EPB41L4B: variants seen among roughly 807,000 people sequenced by gnomAD.
EPB41L4B encodes band 4.1-like protein 4B.
In EPB41L4B, 30 loss-of-function variants were observed where a neutral mutation model predicts 112.5. The ratio of observed to expected loss-of-function variants is 0.27; its 90% confidence interval spans 0.20 to 0.36. EPB41L4B has a LOEUF of 0.36. Ranked by LOEUF, EPB41L4B falls within the 10% of genes least tolerant of loss-of-function variation. The pLI, the probability that EPB41L4B is intolerant of heterozygous loss-of-function variation, is 1.00. For missense variants in EPB41L4B, 1,024 were observed against 1,133.3 expected, an observed-to-expected ratio of 0.90 and a Z score of 1.38; for synonymous variants, 408 against 439.7, an observed-to-expected ratio of 0.93 and a Z score of 0.90.
chr9:109,235,681 A>G (rs1588157855), intron 15 of EPB41L4B, among the ~76,000 whole-genome samples: 1 of 151,710 alleles, frequency 6.6e-6, no homozygotes, highest in African/African-American at 2.4e-5. Context: ...TACAGGTATG[A>G]TTCACCACGC....
chr9:109,206,373 G>T (rs1312087551), intron 18 of EPB41L4B, among the ~76,000 whole-genome samples: 1 of 152,178 alleles, frequency 6.6e-6, no homozygotes, highest in African/African-American at 2.4e-5. Context: ...AGTAGAGACA[G>T]GGTTTCGCCA....
intron 15 of EPB41L4B, among the ~76,000 whole-genome samples, chr9:109,237,076 ACT>A (rs1488736724): frequency 1.3e-5 from 2 of 152,012 alleles, no homozygotes; most frequent in East Asian, 1.9e-4. Flanking sequence ...CAACAAAAAG[ACT>A]CTGTCATTAC....
intron 1 of EPB41L4B, among the ~76,000 whole-genome samples, chr9:109,281,520 T>G (rs1836039577): frequency 6.6e-6 from 1 of 152,078 alleles, no homozygotes; most frequent in African/African-American, 2.4e-5. Flanking sequence ...CTGGCCAACA[T>G]GGTGAAACCC....
chr9:109,305,603 G>A (rs1458867376), intron 1 of EPB41L4B, among the ~76,000 whole-genome samples: 1 of 152,080 alleles, frequency 6.6e-6, no homozygotes, highest in East Asian at 1.9e-4. Context: ...GGGCGAAAGA[G>A]GGAGACTCTG....
At chr9:109,228,746 T>G (rs1833863485) in intron 15 of EPB41L4B, among the ~76,000 whole-genome samples, 1 of 152,350 alleles carries the variant, frequency 6.6e-6, no homozygotes, top group South Asian at 2.1e-4. Context: ...CCAACTGAAG[T>G]GAGCATCTAC....
rs10654240 is a variant in EPB41L4B at position 109,218,126 on chromosome 9, CT to C, written c.1410-982del. On this transcript the variant is annotated intron_variant, in intron 15 of 25. Transcript: ENST00000374566. ...GAATATATCTCTAATACTAATAATT[CT>C]TTTTTTTTTTTTTTTTTTGGCAGTG... Among the ~76,000 whole-genome samples the C allele has an allele frequency of 4.1e-3, 439 of 106,556 alleles. 2 individuals are homozygous for C. The highest frequency in any genetic ancestry group is 7.0e-3 in the Middle Eastern group (1 of 142). 69.9% of individuals were successfully genotyped at this position (106,556 alleles called of 152,430 possible). A position where few individuals can be genotyped will look rare whatever the true frequency, so the allele number is the denominator to read the frequency against.
At chr9:109,256,324 G>T in intron 8 of EPB41L4B, 69 bp downstream of exon 8, 3 of 1,591,588 alleles carry the variant, frequency 1.9e-6, no homozygotes, top group South Asian at 2.2e-5. Context: ...AAGTTATTTT[G>T]TTTGCATAAT....
chr9:109,174,702 AG>A, intron 25 of EPB41L4B, 79 bp from the exon 26 acceptor site: 1 of 1,232,768 alleles, frequency 8.1e-7, no homozygotes, highest in Non-Finnish European at 1.2e-6. Flanking sequence ...ATCATCTCCC[AG>A]GTTCTTTCCT....
At chr9:109,244,802 A>G (rs796109032) in intron 14 of EPB41L4B, among the ~76,000 whole-genome samples, 84 of 152,266 alleles carry the variant, frequency 5.5e-4, no homozygotes, top group African/African-American at 1.9e-3. Flanking sequence ...GGCCCTCCTG[A>G]CATTTAAGTC....
At chr9:109,188,308 G>C (rs1003704078) in intron 22 of EPB41L4B, among the ~76,000 whole-genome samples, 2 of 152,156 alleles carry the variant, frequency 1.3e-5, no homozygotes, top group African/African-American at 2.4e-5. Context: ...CTGAGGCTGG[G>C]AAGCAGGGAC....
intron 13 of EPB41L4B, among the ~76,000 whole-genome samples, chr9:109,251,119 T>C (rs1834772562): frequency 6.6e-6 from 1 of 152,264 alleles, no homozygotes; most frequent in Non-Finnish European, 1.5e-5. Flanking sequence ...ATCTAGCATC[T>C]GCTCTCGTCC....
At chr9:109,255,973 A>C (rs1834968784) in intron 9 of EPB41L4B, 130 bp from the exon 10 acceptor site, 1 of 1,227,426 alleles carries the variant, frequency 8.1e-7, no homozygotes, top group Non-Finnish European at 1.1e-6. Flanking sequence ...AAGTGTGATT[A>C]TCCAGAAGTT....
intron 16 of EPB41L4B, among the ~76,000 whole-genome samples, chr9:109,214,936 A>G (rs1186524400): frequency 6.6e-6 from 1 of 152,152 alleles, no homozygotes; most frequent in Non-Finnish European, 1.5e-5. Context: ...GGAGGCTGTT[A>G]TGGTTATTTA....
At chr9:109,179,790 A>G (rs885506) in intron 24 of EPB41L4B, among the ~76,000 whole-genome samples, 92,312 of 151,914 alleles carry the variant, frequency 0.61, 29,749 homozygotes, top group African/African-American at 0.83. Context: ...CTATCTGTGC[A>G]CTTCTGTCCA....
At chr9:109,278,482 G>A (rs929575827) in intron 2 of EPB41L4B, among the ~76,000 whole-genome samples, 2 of 152,128 alleles carry the variant, frequency 1.3e-5, no homozygotes, top group Non-Finnish European at 2.9e-5. Context: ...CCCAGGTACC[G>A]ATTTTGTACA....
At chr9:109,298,609 G>C (rs1231772305) in intron 1 of EPB41L4B, among the ~76,000 whole-genome samples, 1 of 152,184 alleles carries the variant, frequency 6.6e-6, no homozygotes, top group East Asian at 1.9e-4. Flanking sequence ...ACGGCGCCTG[G>C]CCCATATACG....
chr9:109,201,012 A>C (rs1043634175), intron 19 of EPB41L4B, among the ~76,000 whole-genome samples: 1 of 152,200 alleles, frequency 6.6e-6, no homozygotes, highest in Non-Finnish European at 1.5e-5. Context: ...GACTAATTTC[A>C]TTTTTAAAAA....
chr9:109,229,293 A>T (rs189416267), intron 15 of EPB41L4B, among the ~76,000 whole-genome samples: 13 of 152,348 alleles, frequency 8.5e-5, no homozygotes, highest in Non-Finnish European at 1.6e-4. Context: ...TAACCAAATC[A>T]TCAGCCATGC....
At chr9:109,307,417 C>T (rs1837253583) in intron 1 of EPB41L4B, 1 of 352,576 alleles carries the variant, frequency 2.8e-6, no homozygotes, top group Non-Finnish European at 5.5e-6. Flanking sequence ...GACCTCCTTT[C>T]TCAGGTTTCA....
Sources: gnomAD v4.1 joint callset for allele counts (sites outside exome capture counted in the v4.1 genomes callset) on GRCh38, gnomAD v4.1.1 for gene constraint, MANE v1.5 for transcripts, NCBI Gene and HGNC (gene_info 2026-07-23, HGNC 2026-07-21) for gene names.